The following MARCHF1 variants were observed in gnomAD, a reference collection of about 807,000 sequenced individuals.
MARCHF1 encodes membrane associated ring-CH-type finger 1, also known as E3 ubiquitin-protein ligase MARCHF1.
MARCHF1 carries 40 observed loss-of-function variants against 54.2 expected under a neutral mutation model. The observed-to-expected ratio is 0.74, with a 90% confidence interval of 0.57 to 0.96. MARCHF1 has a LOEUF of 0.96. Among genes scored for constraint, MARCHF1 ranks in the 40% least tolerant of loss-of-function variants. The probability of loss-of-function intolerance (pLI) is 0.00; values close to 1 mark genes in which losing one functional copy is unlikely to be tolerated. For missense variants in MARCHF1, 586 were observed against 656.5 expected (o/e 0.89, Z 1.17); for synonymous variants, 236 against 236.3 (o/e 1.00, Z 0.01).
At chr4:163,537,999 T>G (rs1225339814) in intron 9 of MARCHF1, among the ~76,000 whole-genome samples, 1 of 152,220 alleles carries the variant, frequency 6.6e-6, no homozygotes, top group East Asian at 1.9e-4. Context: ...TAAGATAGTT[T>G]GTAGTCTTGC....
At chr4:164,198,883 TAAG>T (rs1731359605) in intron 1 of MARCHF1, among the ~76,000 whole-genome samples, 1 of 152,198 alleles carries the variant, frequency 6.6e-6, no homozygotes, top group South Asian at 2.1e-4. Flanking sequence ...ACTCTTACTA[TAAG>T]AATATGAGCA....
intron 2 of MARCHF1, among the ~76,000 whole-genome samples, chr4:164,020,736 G>C (rs962748360): frequency 6.6e-6 from 1 of 152,148 alleles, no homozygotes; most frequent in East Asian, 1.9e-4. Flanking sequence ...TTTGAGAACA[G>C]CCCAGGCAAC....
intron 4 of MARCHF1, among the ~76,000 whole-genome samples, chr4:163,732,169 AATTAT>A (rs1745864741): frequency 6.6e-6 from 1 of 151,360 alleles, no homozygotes; most frequent in Admixed American, 6.6e-5. Context: ...TTAATCATAT[AATTAT>A]ATTATTAATA....
chr4:164,064,968 G>C (rs6536790), intron 2 of MARCHF1, among the ~76,000 whole-genome samples: 99,984 of 152,074 alleles, frequency 0.66, 34,653 homozygotes, highest in Non-Finnish European at 0.78. Context: ...ATTTGCATAT[G>C]TTGAATCAAC....
chr4:164,379,253 G>A (rs1731294519), intron 1 of MARCHF1, among the ~76,000 whole-genome samples: 2 of 152,088 alleles, frequency 1.3e-5, no homozygotes, highest in Admixed American at 6.5e-5. Flanking sequence ...CTGTGGATGA[G>A]CAGTATAACA....
intron 1 of MARCHF1, among the ~76,000 whole-genome samples, chr4:164,292,681 C>T (rs1462252749): frequency 6.6e-6 from 1 of 152,080 alleles, no homozygotes; most frequent in African/African-American, 2.4e-5. Flanking sequence ...CCACCATCTG[C>T]AAATTGCATA....
At chr4:163,984,085 C>T (rs1752815488) in intron 3 of MARCHF1, among the ~76,000 whole-genome samples, 1 of 151,644 alleles carries the variant, frequency 6.6e-6, no homozygotes, top group Admixed American at 6.6e-5. Flanking sequence ...ATATTTTTTC[C>T]AGGTTACTGG....
At chr4:163,983,318 G>A (rs1026692519) in intron 3 of MARCHF1, among the ~76,000 whole-genome samples, 4 of 152,050 alleles carry the variant, frequency 2.6e-5, no homozygotes, top group Non-Finnish European at 4.4e-5. Flanking sequence ...AGATTAAGAG[G>A]CCTTGATGAA....
At chr4:163,823,011 A>G (rs1748738596) in intron 4 of MARCHF1, among the ~76,000 whole-genome samples, 1 of 151,858 alleles carries the variant, frequency 6.6e-6, no homozygotes, top group Non-Finnish European at 1.5e-5. Context: ...CATTATGCTA[A>G]TAACACAAAC....
At chr4:164,207,691 A>G (rs558189723) in intron 1 of MARCHF1, among the ~76,000 whole-genome samples, 5 of 152,234 alleles carry the variant, frequency 3.3e-5, no homozygotes, top group Non-Finnish European at 5.9e-5. Flanking sequence ...TGTAGGGGGA[A>G]CGGGGGTTCC....
intron 2 of MARCHF1, among the ~76,000 whole-genome samples, chr4:164,089,466 AT>A (rs1277045189): frequency 2.6e-5 from 4 of 152,134 alleles, no homozygotes; most frequent in African/African-American, 9.6e-5. Context: ...ACACAAGAAA[AT>A]TTTTGAAAGT....
chr4:164,172,705 C>T (rs546844419), intron 1 of MARCHF1, among the ~76,000 whole-genome samples: 9 of 152,150 alleles, frequency 5.9e-5, no homozygotes, highest in Non-Finnish European at 8.8e-5. Flanking sequence ...AGGCTGGGCG[C>T]GGTGGCTCAC....
intron 2 of MARCHF1, among the ~76,000 whole-genome samples, chr4:164,087,476 T>G (rs1412352610): frequency 6.6e-6 from 1 of 152,086 alleles, no homozygotes; most frequent in Non-Finnish European, 1.5e-5. Flanking sequence ...ATAGACAAAG[T>G]ACAATATATA....
At chr4:164,184,687 C>T (rs949244585) in intron 1 of MARCHF1, among the ~76,000 whole-genome samples, 5 of 152,158 alleles carry the variant, frequency 3.3e-5, no homozygotes, top group Non-Finnish European at 5.9e-5. Context: ...TATGGCCCGT[C>T]AAGTAATGAT....
At chr4:163,860,552 G>T (rs1749900470) in intron 3 of MARCHF1, among the ~76,000 whole-genome samples, 1 of 152,122 alleles carries the variant, frequency 6.6e-6, no homozygotes, top group Non-Finnish European at 1.5e-5. Context: ...CCTGCCTATG[G>T]TGGGGAGGGA....
At chr4:164,252,602 A>G (rs1447253532) in intron 1 of MARCHF1, among the ~76,000 whole-genome samples, 2 of 152,204 alleles carry the variant, frequency 1.3e-5, no homozygotes, top group Admixed American at 1.3e-4. Context: ...GCTGAGAAAG[A>G]CTAATACCAT....
Position 163,701,011 on chromosome 4 carries a change from G to C in MARCHF1, c.112-148C>G, listed in dbSNP as rs542901233. The stretch of plus-strand genomic sequence containing the variant: ...AATACACATATTAATTGCTTACACA[G>C]AATGCTTTTTTCTTTTATGAAATCA... On this transcript the variant is annotated intron_variant, in intron 4 of 9. Coordinates refer to ENST00000514618, the MANE Select transcript of MARCHF1 (RefSeq NM_001394959.1). 7.0e-6 allele frequency: 4 copies of C among 570,362 alleles called. No individual in the cohort carries two copies. The South Asian group carries it at 9.3e-5, about 13-fold the overall frequency. 35.3% of individuals were successfully genotyped at this position (570,362 alleles called of 1,614,324 possible). A position where few individuals can be genotyped will look rare whatever the true frequency, so the allele number is the denominator to read the frequency against.
rs369325769 is a variant in MARCHF1 at position 164,333,714 on chromosome 4, G to T, written c.-323+50156C>A. ...GGCCTCTAAGTGTTTAAGAGAAAGGGTCACTGTCTCTCACTTGAAATCAAA... is the reference window on the plus strand; with the variant it reads ...GGCCTCTAAGTGTTTAAGAGAAAGGTTCACTGTCTCTCACTTGAAATCAAA... On this transcript the variant is annotated intron_variant, in intron 1 of 9. Coordinates refer to ENST00000514618, the MANE Select transcript of MARCHF1 (RefSeq NM_001394959.1). Among the ~76,000 whole-genome samples the T allele has an allele frequency of 6.6e-4, 101 of 152,302 alleles. 1 individual carries two copies. The highest frequency in any genetic ancestry group is 2.4e-3 in the African/African-American group (99 of 41,556).
chr4:164,017,842 A>AAG (rs984948126), intron 2 of MARCHF1, among the ~76,000 whole-genome samples: 5 of 151,260 alleles, frequency 3.3e-5, no homozygotes, highest in Admixed American at 6.6e-5. Flanking sequence ...TTAGCAAAAA[A>AAG]AAAAAAAAAG....
Sources: gnomAD v4.1 joint callset for allele counts (sites outside exome capture counted in the v4.1 genomes callset) on GRCh38, gnomAD v4.1.1 for gene constraint, MANE v1.5 for transcripts, NCBI Gene and HGNC (gene_info 2026-07-23, HGNC 2026-07-21) for gene names.